The following BTF3L4 variants were observed in gnomAD, a reference collection of about 807,000 sequenced individuals.
The protein encoded by BTF3L4 is transcription factor BTF3 homolog 4.
A neutral mutation model predicts 16.8 loss-of-function variants in BTF3L4; 6 were observed. The observed-to-expected ratio is 0.36, with a 90% CI of 0.20 to 0.71. The LOEUF (loss-of-function observed/expected upper bound fraction) is 0.71. BTF3L4 is among the 30% of genes least tolerant of loss of function. BTF3L4 has a pLI of 0.58. For synonymous variants in BTF3L4, 39 were observed against 59.8 expected, an observed-to-expected ratio of 0.65 and a Z score of 1.60; for missense variants, 92 against 186.9, an observed-to-expected ratio of 0.49 and a Z score of 2.96.
At position 52,059,892 on chromosome 1, in the gene BTF3L4, A is replaced by G; in HGVS notation, c.45A>G (p.Ile15Met). The G allele has an allele frequency of 6.2e-7, 1 of 1,612,370 alleles. No homozygotes were observed. Among genetic ancestry groups the G allele is most frequent in the Non-Finnish European group, 8.5e-7 (1 of 1,179,078 alleles). Residue 15 changes from isoleucine to methionine, a missense_variant, in exon 2 of 6, where the codon ATA becomes ATG. Transcript: ENST00000313334. ...KLAKLQAQVR[I>M]GGKGTARRKK... ...CCAAACTTCAGGCTCAGGTCCGGATAGGGGGCAAGGTGAGTGTGGCATAAG... is the reference window on the plus strand; with the variant it reads ...CCAAACTTCAGGCTCAGGTCCGGATGGGGGGCAAGGTGAGTGTGGCATAAG...
intron 2 of BTF3L4, among the ~76,000 whole-genome samples, chr1:52,062,161 G>T (rs1572020294): frequency 7.1e-6 from 1 of 141,796 alleles, no homozygotes; most frequent in East Asian, 2.1e-4. Flanking sequence ...GGATGGTCTT[G>T]CTTGATCTCC....
chr1:52,074,639 G>A (rs1359063005), intron 3 of BTF3L4, among the ~76,000 whole-genome samples: 2 of 151,816 alleles, frequency 1.3e-5, no homozygotes, highest in African/African-American at 2.4e-5. Context: ...TAGGATTACA[G>A]GTGTAAGCCA....
At position 52,064,804 on chromosome 1, in the gene BTF3L4, T is replaced by C. The variant is rs1188082009; in HGVS notation, c.55-21T>C. 2.6e-6 allele frequency: 4 copies of C among 1,535,826 alleles called. No individual in the cohort carries two copies. In the Admixed American group the frequency reaches 7.1e-5, roughly 27 times the overall value. On this transcript the variant is annotated intron_variant, in intron 2 of 5. Coordinates refer to ENST00000313334, the MANE Select transcript of BTF3L4 (RefSeq NM_152265.5). ...ATGCCAGGCATGCTAACACTTCTGCTTCTGTTTGGTTATTTTTCAGGGTAC... is the reference window on the plus strand; with the variant it reads ...ATGCCAGGCATGCTAACACTTCTGCCTCTGTTTGGTTATTTTTCAGGGTAC...
rs748398824 is a variant in BTF3L4 at position 52,087,289 on chromosome 1, A to G, written c.*531A>G. ...CTTGGTTAACTATCATATTTTTCAT[A>G]CACTTCTCTGGATTTAAAATATCTT... On this transcript the variant is annotated 3_prime_UTR_variant, in exon 6 of 6. Transcript: ENST00000313334. The G allele has an allele frequency of 6.6e-6, 1 of 152,482 alleles. No individual in the cohort carries two copies. Among genetic ancestry groups the G allele is most frequent in the African/African-American group, 2.4e-5 (1 of 41,442 alleles). 9.4% of individuals were successfully genotyped at this position (152,482 alleles called of 1,614,324 possible).
chr1:52,069,408 A>T (rs1411207167), intron 3 of BTF3L4, among the ~76,000 whole-genome samples: 2 of 152,156 alleles, frequency 1.3e-5, no homozygotes, highest in African/African-American at 4.8e-5. Flanking sequence ...CTTCTTGAGA[A>T]GGAAAAAAGA....
chr1:52,071,666 C>T (rs1686789377), intron 3 of BTF3L4, among the ~76,000 whole-genome samples: 1 of 152,160 alleles, frequency 6.6e-6, no homozygotes, highest in South Asian at 2.1e-4. Context: ...TAATTGGACA[C>T]ATAAGTTTTA....
chr1:52,087,340 C>G lies in BTF3L4; in HGVS notation c.*582C>G, dbSNP rs1022725505. On this transcript the variant is annotated 3_prime_UTR_variant, in exon 6 of 6. Transcript: ENST00000313334. The stretch of plus-strand genomic sequence containing the variant: ...GAGGTATTTTGCCACTGGCTTCATG[C>G]TGGAGTAATGGGTAACATATCTTTG... 1 of 152,308 alleles carries G rather than the reference C, an allele frequency of 6.6e-6. No homozygotes were observed. Among genetic ancestry groups the G allele is most frequent in the African/African-American group, 2.4e-5 (1 of 41,436 alleles). 9.4% of individuals were successfully genotyped at this position (152,308 alleles called of 1,614,324 possible).
chr1:52,075,598 A>G lies in BTF3L4; in HGVS notation c.169-7742A>G, dbSNP rs1049097038. 6.8e-5 allele frequency among the ~76,000 whole-genome samples: 10 copies of G among 147,414 alleles called. No homozygotes were observed. The South Asian group carries it at 2.1e-3, about 31-fold the overall frequency. ...AAAATATATATTATATATAAATTAT[A>G]GTAATTATATATTATATGTAAATAA... is the stretch of plus-strand genomic sequence containing the variant. On this transcript the variant is annotated intron_variant, in intron 3 of 5. Transcript: ENST00000313334.
chr1:52,084,678 G>C (rs1643954082), intron 4 of BTF3L4, among the ~76,000 whole-genome samples: 1 of 151,776 alleles, frequency 6.6e-6, no homozygotes, highest in Non-Finnish European at 1.5e-5. Context: ...TGTAGTCATA[G>C]CTACTCAGGA....
chr1:52,082,698 C>T (rs925615509), intron 3 of BTF3L4, among the ~76,000 whole-genome samples: 2 of 151,030 alleles, frequency 1.3e-5, no homozygotes, highest in African/African-American at 4.9e-5. Flanking sequence ...GAGGTCATGC[C>T]ACTGCACTCT....
In BTF3L4 at chr1:52,087,368, A is replaced by T. The variant is rs1241190660; in HGVS notation, c.*610A>T. ...GAGTAATGGGTAACATATCTTTGGT[A>T]TGGTTGCCTTAGATTAACTTACCTA... On this transcript the variant is annotated 3_prime_UTR_variant, in exon 6 of 6. Coordinates refer to ENST00000313334, the MANE Select transcript of BTF3L4 (RefSeq NM_152265.5). 1 of 152,344 alleles carries T rather than the reference A, an allele frequency of 6.6e-6. No individual in the cohort carries two copies. The highest frequency in any genetic ancestry group is 2.4e-5 in the African/African-American group (1 of 41,570). 9.4% of individuals were successfully genotyped at this position (152,344 alleles called of 1,614,324 possible).
At chr1:52,086,667 C>CT in intron 5 of BTF3L4, 45 bp from the exon 6 acceptor site, 2 of 1,313,036 alleles carry the variant, frequency 1.5e-6, no homozygotes, top group Admixed American at 2.2e-5. Flanking sequence ...CCTCTTTTTC[C>CT]TTTTTTGTAT....
intron 2 of BTF3L4, among the ~76,000 whole-genome samples, chr1:52,063,490 C>T (rs1686571564): frequency 6.6e-6 from 1 of 152,044 alleles, no homozygotes; most frequent in Non-Finnish European, 1.5e-5. Flanking sequence ...GACTGAAGCC[C>T]CTACCTTACC....
intron 5 of BTF3L4, 113 bp downstream of exon 5, chr1:52,086,284 GA>G: frequency 1.3e-6 from 1 of 746,718 alleles, no homozygotes. Context: ...AATTTAAATT[GA>G]TTCACAATAA....
At chr1:52,064,763 T>C (rs968651961) in intron 2 of BTF3L4, 62 bp from the exon 3 acceptor site, 6 of 898,566 alleles carry the variant, frequency 6.7e-6, no homozygotes, top group Non-Finnish European at 1.1e-5. Flanking sequence ...ACGTAAGATG[T>C]GATTGCAGTT....
At chr1:52,083,074 C>G (rs1452040635) in intron 3 of BTF3L4, among the ~76,000 whole-genome samples, 1 of 152,032 alleles carries the variant, frequency 6.6e-6, no homozygotes, top group Non-Finnish European at 1.5e-5. Flanking sequence ...TCATGTACTT[C>G]CTTCTCTTAG....
At chr1:52,068,732 G>C (rs562818393) in intron 3 of BTF3L4, among the ~76,000 whole-genome samples, 1 of 152,052 alleles carries the variant, frequency 6.6e-6, no homozygotes, top group Non-Finnish European at 1.5e-5. Flanking sequence ...GCCTTATATA[G>C]GTACTGAGCA....
intron 3 of BTF3L4, among the ~76,000 whole-genome samples, chr1:52,076,361 G>A (rs756475432): frequency 5.9e-5 from 9 of 152,016 alleles, no homozygotes; most frequent in Non-Finnish European, 1.3e-4. Flanking sequence ...AGATCACGAT[G>A]TCAGGAGTTC....
intron 3 of BTF3L4, among the ~76,000 whole-genome samples, chr1:52,071,556 T>G (rs1157814933): frequency 6.6e-6 from 1 of 152,218 alleles, no homozygotes; most frequent in Non-Finnish European, 1.5e-5. Flanking sequence ...CCTATTAAAT[T>G]TAAGAGGTAC....
Sources: gnomAD v4.1 joint callset for allele counts (sites outside exome capture counted in the v4.1 genomes callset) on GRCh38, gnomAD v4.1.1 for gene constraint, MANE v1.5 for transcripts, NCBI Gene and HGNC (gene_info 2026-07-23, HGNC 2026-07-21) for gene names.